The following PCSK2 variants were observed in gnomAD, a reference collection of about 807,000 sequenced individuals.
PCSK2 encodes neuroendocrine convertase 2.
Under a neutral mutation model 69.7 loss-of-function variants are expected in PCSK2, and 14 were observed. The observed-to-expected ratio is 0.20, with a 90% CI of 0.13 to 0.31. PCSK2 has a LOEUF of 0.31. PCSK2 is among the 10% of genes least tolerant of loss of function. The pLI is 1.00. For missense variants in PCSK2, 544 were observed against 842.5 expected, an observed-to-expected ratio of 0.65 and a Z score of 4.39; for synonymous variants, 307 against 320.7, an observed-to-expected ratio of 0.96 and a Z score of 0.46.
chr20:17,227,065 T>TC lies in PCSK2; in HGVS notation c.-237dup, dbSNP rs1985939655. On this transcript the variant is annotated 5_prime_UTR_variant, in exon 1 of 12. Transcript: ENST00000262545. ...GCTCTTTCTCTCCGGTACACACAGCTCCCCACATTCGCACCCCTGCCCGCG... is the reference window on the plus strand; with the variant it reads ...GCTCTTTCTCTCCGGTACACACAGCTCCCCCACATTCGCACCCCTGCCCGCG... 9.5e-6 allele frequency: 5 copies of TC among 528,194 alleles called. No homozygotes were observed. The East Asian group carries it at 1.6e-4, about 17-fold the overall frequency. 32.7% of individuals were successfully genotyped at this position (528,194 alleles called of 1,614,324 possible).
chr20:17,279,246 T>C (rs1427408949), intron 2 of PCSK2, among the ~76,000 whole-genome samples: 1 of 152,210 alleles, frequency 6.6e-6, no homozygotes, highest in Non-Finnish European at 1.5e-5. Flanking sequence ...GTTTGACGGT[T>C]ATCAACTATT....
intron 5 of PCSK2, among the ~76,000 whole-genome samples, chr20:17,389,365 CT>C (rs2031314341): frequency 1.3e-5 from 2 of 152,234 alleles, no homozygotes; most frequent in Admixed American, 1.3e-4. Context: ...GGGATATGCC[CT>C]TATGTGACAT....
chr20:17,440,114 C>T (rs1045167325), intron 8 of PCSK2, among the ~76,000 whole-genome samples: 1 of 152,236 alleles, frequency 6.6e-6, no homozygotes, highest in Non-Finnish European at 1.5e-5. Context: ...AACCTCAGTC[C>T]TGCCCCCCAT....
chr20:17,429,404 A>G (rs556958412), intron 6 of PCSK2, 31 bp from the exon 7 acceptor site: 4 of 1,557,652 alleles, frequency 2.6e-6, no homozygotes, highest in South Asian at 2.2e-5. Flanking sequence ...GTTTCACTGC[A>G]TATCTAATGT....
intron 2 of PCSK2, among the ~76,000 whole-genome samples, chr20:17,319,607 T>C (rs75538819): frequency 0.012 from 1,893 of 152,000 alleles, 42 homozygotes; most frequent in African/African-American, 0.044. Flanking sequence ...TTTACTATAT[T>C]CCACTGGCAA....
intron 2 of PCSK2, among the ~76,000 whole-genome samples, chr20:17,328,452 A>G (rs1264900236): frequency 6.7e-6 from 1 of 149,444 alleles, no homozygotes; most frequent in Non-Finnish European, 1.5e-5. Flanking sequence ...GTAGAATTAC[A>G]TATAATTATA....
chr20:17,330,378 G>A (rs1990177286), intron 2 of PCSK2, among the ~76,000 whole-genome samples: 1 of 152,054 alleles, frequency 6.6e-6, no homozygotes. Context: ...AGTATTAAGA[G>A]GTCAGGAGTT....
intron 6 of PCSK2, among the ~76,000 whole-genome samples, chr20:17,413,749 G>A (rs185626640): frequency 3.3e-4 from 50 of 152,184 alleles, no homozygotes; most frequent in Middle Eastern, 3.4e-3. Flanking sequence ...GCATCACATC[G>A]CACTTATTCC....
intron 1 of PCSK2, among the ~76,000 whole-genome samples, chr20:17,241,686 CG>C (rs1179871398): frequency 6.6e-6 from 1 of 152,148 alleles, no homozygotes; most frequent in African/African-American, 2.4e-5. Context: ...TCACACTGAA[CG>C]GCTGGTAGAG....
At position 17,364,576 on chromosome 20, in the gene PCSK2, T is replaced by C. The variant is rs1568619506; in HGVS notation, c.505+3936T>C. ...ATAAAACCATCAGATCTTGCGAGAC[T>C]TATTCACTACCACGAAAACAGTATG... On this transcript the variant is annotated intron_variant, in intron 4 of 11. Coordinates refer to ENST00000262545, the MANE Select transcript of PCSK2 (RefSeq NM_002594.5). Among the ~76,000 whole-genome samples, 3 of 152,188 alleles carry C rather than the reference T, an allele frequency of 2.0e-5. No individual in the cohort carries two copies. The East Asian group carries it at 5.8e-4, about 29-fold the overall frequency.
chr20:17,250,776 AACT>A (rs1986946836), intron 1 of PCSK2, among the ~76,000 whole-genome samples: 2 of 152,102 alleles, frequency 1.3e-5, no homozygotes, highest in Non-Finnish European at 2.9e-5. Flanking sequence ...GGCACTTAAC[AACT>A]CCAAATTTTC....
chr20:17,434,408 C>T (rs1172617632), intron 7 of PCSK2, among the ~76,000 whole-genome samples: 1 of 152,132 alleles, frequency 6.6e-6, no homozygotes, highest in East Asian at 1.9e-4. Flanking sequence ...AATACTGTAT[C>T]TCATTCAATT....
At chr20:17,317,474 G>T (rs117411748) in intron 2 of PCSK2, among the ~76,000 whole-genome samples, 1 of 152,122 alleles carries the variant, frequency 6.6e-6, no homozygotes, top group Non-Finnish European at 1.5e-5. Flanking sequence ...CTGTGCTGCC[G>T]CCAATTCTGG....
At chr20:17,470,547 A>T (rs1198308436) in intron 11 of PCSK2, among the ~76,000 whole-genome samples, 3 of 152,206 alleles carry the variant, frequency 2.0e-5, no homozygotes, top group African/African-American at 7.2e-5. Context: ...CACGACATCC[A>T]ATTGCAGCAT....
intron 4 of PCSK2, among the ~76,000 whole-genome samples, chr20:17,368,846 C>T (rs1435630025): frequency 1.7e-4 from 26 of 152,242 alleles, no homozygotes; most frequent in Admixed American, 1.7e-3. Flanking sequence ...TGCCAGAGTA[C>T]ATTCTCCTAA....
intron 8 of PCSK2, among the ~76,000 whole-genome samples, chr20:17,445,104 A>G (rs559980764): frequency 2.6e-4 from 39 of 152,358 alleles, no homozygotes; most frequent in African/African-American, 8.7e-4. Flanking sequence ...CTCTGGATAA[A>G]TAAAGCACTG....
At chr20:17,392,248 G>C (rs916253485) in intron 5 of PCSK2, among the ~76,000 whole-genome samples, 1 of 152,174 alleles carries the variant, frequency 6.6e-6, no homozygotes, top group African/African-American at 2.4e-5. Flanking sequence ...GCATCTTGCT[G>C]ACAAGTCAGG....
intron 5 of PCSK2, among the ~76,000 whole-genome samples, chr20:17,382,460 G>GC (rs2031113782): frequency 1.3e-5 from 2 of 151,986 alleles, no homozygotes; most frequent in Admixed American, 6.6e-5. Flanking sequence ...ATTTAACCTG[G>GC]CCCCCTCCAG....
intron 8 of PCSK2, among the ~76,000 whole-genome samples, chr20:17,439,438 T>C (rs927892003): frequency 6.6e-6 from 1 of 152,108 alleles, no homozygotes; most frequent in African/African-American, 2.4e-5. Context: ...ACCCCATTTT[T>C]CTCCATCTCT....
Sources: gnomAD v4.1 joint callset for allele counts (sites outside exome capture counted in the v4.1 genomes callset) on GRCh38, gnomAD v4.1.1 for gene constraint, MANE v1.5 for transcripts, NCBI Gene and HGNC (gene_info 2026-07-23, HGNC 2026-07-21) for gene names.